Variants in TMEM132D observed in about 807,000 individuals in gnomAD.
TMEM132D encodes transmembrane protein 132D.
Under a neutral mutation model 62.3 loss-of-function variants are expected in TMEM132D, and 21 were observed. The ratio of observed to expected loss-of-function variants is 0.34; its 90% confidence interval spans 0.24 to 0.49. The LOEUF (loss-of-function observed/expected upper bound fraction) is 0.49, where lower values mean the gene tolerates loss of function less well. TMEM132D is among the 20% of genes least tolerant of loss of function. The pLI, the probability that TMEM132D is intolerant of heterozygous loss-of-function variation, is 0.99. For synonymous variants in TMEM132D, 621 were observed against 575.6 expected, an observed-to-expected ratio of 1.08 and a Z score of -1.13; for missense variants, 1,346 against 1,402.8, an observed-to-expected ratio of 0.96 and a Z score of 0.65.
At chr12:129,496,913 T>C (rs1874975816) in intron 3 of TMEM132D, among the ~76,000 whole-genome samples, 1 of 152,220 alleles carries the variant, frequency 6.6e-6, no homozygotes, top group Admixed American at 6.5e-5. Flanking sequence ...ATGGGTAGGC[T>C]TGGGCCTCCA....
chr12:129,654,895 C>T (rs1317609073), intron 2 of TMEM132D, among the ~76,000 whole-genome samples: 1 of 152,154 alleles, frequency 6.6e-6, no homozygotes, highest in Non-Finnish European at 1.5e-5. Flanking sequence ...CATTTTCATC[C>T]AAAAACATTG....
chr12:129,164,062 C>T (rs1877472159), intron 5 of TMEM132D, among the ~76,000 whole-genome samples: 1 of 152,222 alleles, frequency 6.6e-6, no homozygotes, highest in Non-Finnish European at 1.5e-5. Flanking sequence ...TTCTCCAGCA[C>T]TTCAAGGAGT....
intron 5 of TMEM132D, among the ~76,000 whole-genome samples, chr12:129,206,611 C>T (rs1878853909): frequency 6.6e-6 from 1 of 152,244 alleles, no homozygotes; most frequent in South Asian, 2.1e-4. Flanking sequence ...GGTACATACC[C>T]AAAGGAATAT....
At chr12:129,603,193 G>C (rs2009974764) in intron 2 of TMEM132D, among the ~76,000 whole-genome samples, 1 of 152,118 alleles carries the variant, frequency 6.6e-6, no homozygotes, top group South Asian at 2.1e-4. Context: ...GTTCACACTT[G>C]GTGTTACACA....
At chr12:129,511,214 C>G (rs540669636) in intron 3 of TMEM132D, among the ~76,000 whole-genome samples, 8 of 152,154 alleles carry the variant, frequency 5.3e-5, no homozygotes, top group Non-Finnish European at 1.2e-4. Context: ...CTCAGTAATT[C>G]CTAACCTGCC....
chr12:129,620,252 C>T (rs1565654), intron 2 of TMEM132D, among the ~76,000 whole-genome samples: 32,579 of 152,200 alleles, frequency 0.21, 3,952 homozygotes, highest in East Asian at 0.39. Flanking sequence ...TGGGCTTTTG[C>T]TTTTGCCCTT....
chr12:129,788,774 G>T (rs571574001), intron 1 of TMEM132D, among the ~76,000 whole-genome samples: 2 of 152,272 alleles, frequency 1.3e-5, no homozygotes, highest in African/African-American at 4.8e-5. Flanking sequence ...GGGGAGTCAA[G>T]ACTCTTTCTG....
In TMEM132D at chr12:129,337,810, C is replaced by A. The variant is rs2135658439; in HGVS notation, c.1123G>T (p.Gly375Cys). 1 of 1,608,890 alleles carries A rather than the reference C, an allele frequency of 6.2e-7. No homozygotes were observed. The highest frequency in any genetic ancestry group is 8.5e-7 in the Non-Finnish European group (1 of 1,176,948). Reference sequence around the variant, plus strand: ...ATCTGCATGACCTCGTAGGAGGCGCCATCCGCACTGGAGAGAAGACACAGA... The same window carrying A: ...ATCTGCATGACCTCGTAGGAGGCGCAATCCGCACTGGAGAGAAGACACAGA... ...KAAGSENSAD[G>C]ASYEVMQIDV... is the part of the protein sequence containing the mutation. Residue 375 changes from glycine to cysteine, a missense_variant, in exon 4 of 9, where the codon GGC (glycine) becomes TGC (cysteine). Coordinates refer to ENST00000422113, the MANE Select transcript of TMEM132D (RefSeq NM_133448.3).
intron 2 of TMEM132D, among the ~76,000 whole-genome samples, chr12:129,564,466 C>T (rs77536654): frequency 5.3e-5 from 8 of 152,156 alleles, no homozygotes; most frequent in South Asian, 4.1e-4. Flanking sequence ...AAGCACTTTG[C>T]GGAGGAAGAA....
At chr12:129,197,657 T>A (rs1416688774) in intron 5 of TMEM132D, among the ~76,000 whole-genome samples, 1 of 152,054 alleles carries the variant, frequency 6.6e-6, no homozygotes, top group Admixed American at 6.6e-5. Context: ...AATAAAGACT[T>A]AAACACAAAA....
At chr12:129,555,830 C>T (rs559480177) in intron 2 of TMEM132D, among the ~76,000 whole-genome samples, 5 of 152,198 alleles carry the variant, frequency 3.3e-5, no homozygotes, top group East Asian at 1.9e-4. Context: ...TGGAGAAAAC[C>T]GTAATTGCTT....
chr12:129,652,730 A>C (rs1879962948), intron 2 of TMEM132D, among the ~76,000 whole-genome samples: 1 of 152,214 alleles, frequency 6.6e-6, no homozygotes, highest in East Asian at 1.9e-4. Flanking sequence ...GCTCTCCTTC[A>C]CACTTCTGAT....
At chr12:129,381,172 A>G (rs764353682) in intron 3 of TMEM132D, among the ~76,000 whole-genome samples, 1 of 152,240 alleles carries the variant, frequency 6.6e-6, no homozygotes, top group Non-Finnish European at 1.5e-5. Context: ...ACTGTATTCA[A>G]AGCCATCGTT....
chr12:129,810,500 C>G (rs941395637), intron 1 of TMEM132D, among the ~76,000 whole-genome samples: 1 of 151,978 alleles, frequency 6.6e-6, no homozygotes, highest in African/African-American at 2.4e-5. Context: ...AAATGAGGCC[C>G]TGGTGGTCCT....
chr12:129,457,680 T>C (rs1446397515), intron 3 of TMEM132D, among the ~76,000 whole-genome samples: 2 of 151,762 alleles, frequency 1.3e-5, no homozygotes, highest in Non-Finnish European at 2.9e-5. Flanking sequence ...AAACTTACAA[T>C]CATGTCGGAA....
At chr12:129,503,225 T>G (rs1194529069) in intron 3 of TMEM132D, among the ~76,000 whole-genome samples, 2 of 152,238 alleles carry the variant, frequency 1.3e-5, no homozygotes, top group African/African-American at 4.8e-5. Context: ...ATTTACTATT[T>G]TCTTGGCACC....
rs547333485 is a variant in TMEM132D at position 129,637,890 on chromosome 12, CAAG to C, written c.968+61917_968+61919del. On this transcript the variant is annotated intron_variant, in intron 2 of 8. Coordinates refer to ENST00000422113, the MANE Select transcript of TMEM132D (RefSeq NM_133448.3). ...GAACTCACTCACCCACTCACTATCA[CAAG>C]AATAGCACCAAGGGGTGGTACTAAA... is the stretch of plus-strand genomic sequence containing the variant. 1.9e-3 allele frequency among the ~76,000 whole-genome samples: 294 copies of C among 152,260 alleles called. 1 individual carries two copies. Among genetic ancestry groups the C allele is most frequent in the African/African-American group, 6.9e-3 (287 of 41,560 alleles).
At chr12:129,259,558 G>A (rs1053383349) in intron 4 of TMEM132D, among the ~76,000 whole-genome samples, 1 of 152,196 alleles carries the variant, frequency 6.6e-6, no homozygotes, top group African/African-American at 2.4e-5. Context: ...CTTAGTGGCA[G>A]GTTTAGGCAT....
At chr12:129,707,148 GAAA>G (rs1330227165) in intron 1 of TMEM132D, among the ~76,000 whole-genome samples, 1 of 146,030 alleles carries the variant, frequency 6.8e-6, no homozygotes, top group East Asian at 2.0e-4. Context: ...GTTGCATTAG[GAAA>G]AATATATATA....
Sources: allele counts gnomAD v4.1 joint callset (sites outside exome capture counted in the v4.1 genomes callset), GRCh38; gene constraint gnomAD v4.1.1; transcripts MANE v1.5; gene names NCBI Gene and HGNC (gene_info 2026-07-23, HGNC 2026-07-21).